ANO4: variants seen among roughly 807,000 people sequenced by gnomAD.
The protein encoded by ANO4 is anoctamin-4.
In ANO4, 69 loss-of-function variants were observed where a neutral mutation model predicts 141.9. The observed-to-expected ratio is 0.49, with a 90% CI of 0.40 to 0.59. The LOEUF is 0.59. Among genes scored for constraint, ANO4 ranks in the 20% least tolerant of loss-of-function variants. The pLI is 0.00. For missense variants in ANO4, 894 were observed against 1,162.2 expected (o/e 0.77, Z 3.36); for synonymous variants, 350 against 394.3 (o/e 0.89, Z 1.33).
chr12:101,026,236 A>T (rs1410625788), intron 9 of ANO4, among the ~76,000 whole-genome samples: 2 of 152,116 alleles, frequency 1.3e-5, no homozygotes, highest in Admixed American at 1.3e-4. Context: ...TGCAACAAAC[A>T]GTGAGAAACT....
At chr12:100,866,215 A>T in intron 1 of ANO4, among the ~76,000 whole-genome samples, 1 of 152,192 alleles carries the variant, frequency 6.6e-6, no homozygotes, top group East Asian at 1.9e-4. Context: ...CACAGAGGAC[A>T]CAGGAAGTCT....
intron 3 of ANO4, among the ~76,000 whole-genome samples, chr12:100,788,728 C>CT (rs909498040): frequency 3.3e-5 from 5 of 152,124 alleles, no homozygotes; most frequent in African/African-American, 7.2e-5. Context: ...GTTCTGGACA[C>CT]TTTTTAGGCC....
At chr12:100,732,262 C>T (rs1413666445) in intron 1 of ANO4, among the ~76,000 whole-genome samples, 1 of 152,160 alleles carries the variant, frequency 6.6e-6, no homozygotes, top group Non-Finnish European at 1.5e-5. Flanking sequence ...CAGATTTTGG[C>T]CATTCTAATA....
At chr12:100,786,155 AAC>A (rs1184308672) in intron 3 of ANO4, among the ~76,000 whole-genome samples, 4 of 152,206 alleles carry the variant, frequency 2.6e-5, no homozygotes, top group East Asian at 3.9e-4. Flanking sequence ...ATGGATCAGC[AAC>A]ACTGAAGGAA....
exon 3 of ANO4, chr12:100,739,921 A>G: frequency 1.4e-6 from 1 of 702,612 alleles, no homozygotes; most frequent in Non-Finnish European, 2.6e-6. Flanking sequence ...TACAAGGCAG[A>G]CCAACCCTCC....
chr12:100,841,239 C>T (rs1593484782), intron 1 of ANO4, among the ~76,000 whole-genome samples: 1 of 152,068 alleles, frequency 6.6e-6, no homozygotes. Flanking sequence ...AAAATGCTAC[C>T]ACCTATTTTT....
intron 1 of ANO4, among the ~76,000 whole-genome samples, chr12:100,730,877 T>G (rs2031354444): frequency 6.6e-6 from 1 of 152,232 alleles, no homozygotes. Flanking sequence ...TTTGTGAATG[T>G]GCACTGGCCT....
At chr12:100,878,788 T>C (rs1040487556) in intron 1 of ANO4, among the ~76,000 whole-genome samples, 4 of 152,188 alleles carry the variant, frequency 2.6e-5, no homozygotes, top group Non-Finnish European at 5.9e-5. Flanking sequence ...ATTATTTGCT[T>C]TCAAAAAGCG....
intron 8 of ANO4, among the ~76,000 whole-genome samples, chr12:101,009,403 T>C (rs1260074689): frequency 2.0e-5 from 3 of 152,106 alleles, no homozygotes; most frequent in Non-Finnish European, 4.4e-5. Flanking sequence ...ACTCAGGGTA[T>C]GGTACTTTGT....
intron 3 of ANO4, among the ~76,000 whole-genome samples, chr12:100,787,886 A>C (rs1040705873): frequency 6.6e-6 from 1 of 152,200 alleles, no homozygotes; most frequent in Non-Finnish European, 1.5e-5. Context: ...AAAAGCTTGG[A>C]TTTGGTATTG....
At chr12:100,876,278 C>CAAAAAAAA (rs79799106) in intron 1 of ANO4, among the ~76,000 whole-genome samples, 6 of 91,942 alleles carry the variant, frequency 6.5e-5, no homozygotes, top group East Asian at 3.1e-4. Flanking sequence ...ATATAAAGAC[C>CAAAAAAAA]AAAAAAAAAA....
intron 3 of ANO4, among the ~76,000 whole-genome samples, chr12:100,932,437 A>G (rs1340574122): frequency 6.6e-6 from 1 of 151,234 alleles, no homozygotes; most frequent in Non-Finnish European, 1.5e-5. Context: ...AGGGCTTCCC[A>G]CTCATGTCAT....
chr12:100,965,009 C>T (rs184074824), intron 5 of ANO4, among the ~76,000 whole-genome samples: 1 of 152,206 alleles, frequency 6.6e-6, no homozygotes, highest in East Asian at 1.9e-4. Flanking sequence ...TAGGACAGGC[C>T]CTGGAACATC....
chr12:100,939,501 C>G, intron 4 of ANO4, 50 bp downstream of exon 4: 2 of 1,595,470 alleles, frequency 1.3e-6, no homozygotes, highest in Non-Finnish European at 1.7e-6. Flanking sequence ...CAGGCAGGAA[C>G]CTGTGAAGCA....
chr12:100,990,152 T>C (rs1216856530), intron 8 of ANO4, among the ~76,000 whole-genome samples: 1 of 151,684 alleles, frequency 6.6e-6, no homozygotes, highest in Non-Finnish European at 1.5e-5. Context: ...GGAGGATATA[T>C]GAGATATAGG....
chr12:101,111,520 C>T (rs1399228351), intron 23 of ANO4, 43 bp from the exon 24 acceptor site: 2 of 1,478,414 alleles, frequency 1.4e-6, no homozygotes, highest in South Asian at 1.4e-5. Flanking sequence ...ATTATCACCT[C>T]TGTTTTGTGT....
At chr12:101,002,377 G>A (rs2045685140) in intron 8 of ANO4, among the ~76,000 whole-genome samples, 1 of 152,222 alleles carries the variant, frequency 6.6e-6, no homozygotes, top group African/African-American at 2.4e-5. Context: ...GTAGTGCCAC[G>A]TGTAGTAACA....
intron 3 of ANO4, among the ~76,000 whole-genome samples, chr12:100,788,810 T>C (rs1173415782): frequency 6.6e-6 from 1 of 151,140 alleles, no homozygotes; most frequent in Non-Finnish European, 1.5e-5. Flanking sequence ...GTGTAGAGGA[T>C]AGACATTAAA....
intron 3 of ANO4, among the ~76,000 whole-genome samples, chr12:100,928,653 T>C (rs192003658): frequency 2.0e-5 from 3 of 152,262 alleles, no homozygotes; most frequent in Admixed American, 1.3e-4. Flanking sequence ...CTTTATGTTA[T>C]GGAAAGGTCG....
Sources: allele counts gnomAD v4.1 joint callset (sites outside exome capture counted in the v4.1 genomes callset), GRCh38; gene constraint gnomAD v4.1.1; transcripts MANE v1.5; gene names NCBI Gene and HGNC (gene_info 2026-07-23, HGNC 2026-07-21).